The following ANTXR1 variants were observed in gnomAD, a reference collection of about 807,000 sequenced individuals.
ANTXR1 encodes ANTXR cell adhesion molecule 1.
In ANTXR1, 19 loss-of-function variants were observed where a neutral mutation model predicts 78.1. That is an observed-to-expected ratio of 0.24 (90% confidence interval 0.17 to 0.36). The LOEUF (loss-of-function observed/expected upper bound fraction) is 0.36. Among genes scored for constraint, ANTXR1 ranks in the 10% least tolerant of loss-of-function variants. The pLI, the probability that ANTXR1 is intolerant of heterozygous loss-of-function variation, is 1.00. For synonymous variants in ANTXR1, 273 were observed against 260.5 expected (o/e 1.05, Z -0.46); for missense variants, 518 against 718.6 (o/e 0.72, Z 3.19).
At position 69,071,722 on chromosome 2, in the gene ANTXR1, T is replaced by G. The variant is rs77557115; in HGVS notation, c.379-32T>G. ...TTTTTGGAGTGACAAACAGTGGTTA[T>G]AAGTCTAAGGGCTCTTTCATATGTT... On this transcript the variant is annotated intron_variant, in intron 4 of 17. Coordinates refer to ENST00000303714, the MANE Select transcript of ANTXR1 (RefSeq NM_032208.3). 59,792 of 1,612,310 alleles carry G rather than the reference T, an allele frequency of 0.037. 1,301 individuals are homozygous for G. The highest frequency in any genetic ancestry group is 0.043 in the Non-Finnish European group (50,992 of 1,178,360).
At chr2:69,110,778 C>T (rs537904468) in intron 10 of ANTXR1, among the ~76,000 whole-genome samples, 82 of 152,122 alleles carry the variant, frequency 5.4e-4, no homozygotes, top group African/African-American at 1.8e-3. Flanking sequence ...AGGAGAATGG[C>T]GTGAACCTGA....
At chr2:69,175,032 A>G (rs1674083532) in intron 14 of ANTXR1, among the ~76,000 whole-genome samples, 1 of 152,212 alleles carries the variant, frequency 6.6e-6, no homozygotes, top group Admixed American at 6.5e-5. Flanking sequence ...TGGTCCCTGA[A>G]GACAATGTAG....
intron 12 of ANTXR1, among the ~76,000 whole-genome samples, chr2:69,137,184 T>C (rs976675846): frequency 6.6e-6 from 1 of 152,194 alleles, no homozygotes; most frequent in Middle Eastern, 3.2e-3. Context: ...ATCACTATGT[T>C]GTGTTTTTTT....
chr2:69,217,096 A>C (rs1023549645), intron 17 of ANTXR1, among the ~76,000 whole-genome samples: 10 of 152,196 alleles, frequency 6.6e-5, no homozygotes, highest in African/African-American at 2.4e-4. Flanking sequence ...GAGGTTTGGC[A>C]CAATTCGCTT....
At position 69,200,407 on chromosome 2, in the gene ANTXR1, C is replaced by G. The variant is rs1674745863; in HGVS notation, c.1434+6992C>G. On this transcript the variant is annotated intron_variant, in intron 17 of 17. Transcript: ENST00000303714. ...TGGGCACCATGTCTCCCTACTGTCG[C>G]AGAGGCGAGAATAGCCTGGGCAGGT... Among the ~76,000 whole-genome samples, 2 of 152,232 alleles carry G rather than the reference C, an allele frequency of 1.3e-5. 1 individual carries two copies. Among genetic ancestry groups the G allele is most frequent in the South Asian group, 4.1e-4 (2 of 4,832 alleles).
intron 2 of ANTXR1, among the ~76,000 whole-genome samples, chr2:69,044,199 C>T (rs1669690399): frequency 6.6e-6 from 1 of 152,154 alleles, no homozygotes; most frequent in African/African-American, 2.4e-5. Flanking sequence ...TATGACCAGT[C>T]AGCACATTCT....
chr2:69,081,836 G>A (rs1054375229), intron 8 of ANTXR1, among the ~76,000 whole-genome samples: 2 of 152,210 alleles, frequency 1.3e-5, no homozygotes, highest in Non-Finnish European at 2.9e-5. Context: ...CAGGTACTGT[G>A]CAAATCATTT....
chr2:69,243,856 C>T (rs1675948305), intron 17 of ANTXR1, among the ~76,000 whole-genome samples: 1 of 152,222 alleles, frequency 6.6e-6, no homozygotes, highest in Non-Finnish European at 1.5e-5. Flanking sequence ...AGAGGAGCAA[C>T]CCCACCTCAG....
chr2:69,068,714 G>T (rs928190021), intron 3 of ANTXR1, among the ~76,000 whole-genome samples: 1 of 152,228 alleles, frequency 6.6e-6, no homozygotes, highest in African/African-American at 2.4e-5. Flanking sequence ...TGAATGCCAT[G>T]ATTTCATCTG....
intron 17 of ANTXR1, among the ~76,000 whole-genome samples, chr2:69,217,848 TGGA>T (rs1675217016): frequency 6.6e-6 from 1 of 152,114 alleles, no homozygotes; most frequent in Non-Finnish European, 1.5e-5. Flanking sequence ...TCGAATTTCA[TGGA>T]GAAGAAATTA....
At chr2:69,080,124 T>C (rs577614160) in intron 8 of ANTXR1, among the ~76,000 whole-genome samples, 66 of 152,388 alleles carry the variant, frequency 4.3e-4, no homozygotes, top group African/African-American at 1.5e-3. Flanking sequence ...GTTATGCTAG[T>C]GGTTTTGATC....
At chr2:69,169,229 C>T (rs1296845039) in intron 13 of ANTXR1, among the ~76,000 whole-genome samples, 1 of 152,234 alleles carries the variant, frequency 6.6e-6, no homozygotes. Flanking sequence ...ACTACAAAGG[C>T]AGCACCTGAT....
At chr2:69,072,534 G>C (rs750436124) in intron 5 of ANTXR1, among the ~76,000 whole-genome samples, 1 of 152,148 alleles carries the variant, frequency 6.6e-6, no homozygotes, top group Non-Finnish European at 1.5e-5. Context: ...AATTCTAGTA[G>C]GTTTTGCCAA....
intron 3 of ANTXR1, among the ~76,000 whole-genome samples, chr2:69,057,996 C>T (rs1034534378): frequency 6.6e-6 from 1 of 152,144 alleles, no homozygotes; most frequent in Non-Finnish European, 1.5e-5. Flanking sequence ...AAGCCTAATG[C>T]AAAGTAAAGC....
intron 14 of ANTXR1, among the ~76,000 whole-genome samples, chr2:69,176,842 A>G (rs1011503353): frequency 2.6e-5 from 4 of 152,190 alleles, no homozygotes; most frequent in Non-Finnish European, 4.4e-5. Flanking sequence ...GATAGTTCCT[A>G]TTGAAACCTG....
At chr2:69,044,613 G>A (rs1346299707) in intron 2 of ANTXR1, 129 bp from the exon 3 acceptor site, 10 of 924,868 alleles carry the variant, frequency 1.1e-5, no homozygotes, top group East Asian at 2.5e-5. Flanking sequence ...AGCCTAGGAG[G>A]CCCCCTGTGG....
At chr2:69,201,704 G>A (rs571342043) in intron 17 of ANTXR1, among the ~76,000 whole-genome samples, 4 of 152,266 alleles carry the variant, frequency 2.6e-5, no homozygotes, top group Admixed American at 6.5e-5. Flanking sequence ...TGAGAGGGTA[G>A]AAAGTGTGAA....
Position 69,158,859 on chromosome 2 carries a change from G to A in ANTXR1, c.1047+6595G>A, listed in dbSNP as rs115239953. Among the ~76,000 whole-genome samples the A allele has an allele frequency of 5.3e-3, 803 of 152,242 alleles. 6 individuals are homozygous for A. Among genetic ancestry groups the A allele is most frequent in the African/African-American group, 0.018 (745 of 41,532 alleles). ...GTTCAGCTTACAATGGGTTTAATCT[G>A]GACATAGTCCCATCATACATCGAGG... is the stretch of plus-strand genomic sequence containing the variant. On this transcript the variant is annotated intron_variant, in intron 13 of 17. Coordinates refer to ENST00000303714, the MANE Select transcript of ANTXR1 (RefSeq NM_032208.3).
chr2:69,025,589 G>A (rs945670976), intron 1 of ANTXR1, among the ~76,000 whole-genome samples: 2 of 152,040 alleles, frequency 1.3e-5, no homozygotes, highest in African/African-American at 4.8e-5. Flanking sequence ...GCAGATTCCA[G>A]GTCTGCAGAA....
Sources: allele counts gnomAD v4.1 joint callset (sites outside exome capture counted in the v4.1 genomes callset), GRCh38; gene constraint gnomAD v4.1.1; transcripts MANE v1.5; gene names NCBI Gene and HGNC (gene_info 2026-07-23, HGNC 2026-07-21).